Variants in PTDSS2 observed in about 807,000 individuals in gnomAD.
The protein encoded by PTDSS2 is phosphatidylserine synthase 2, also known as PSS-2.
Under a neutral mutation model 64.7 loss-of-function variants are expected in PTDSS2, and 41 were observed. The ratio of observed to expected loss-of-function variants is 0.63; its 90% CI spans 0.49 to 0.82. The LOEUF is 0.82. Among genes scored for constraint, PTDSS2 ranks in the 40% least tolerant of loss-of-function variants. The probability of loss-of-function intolerance (pLI) is 0.00; values close to 1 mark genes in which losing one functional copy is unlikely to be tolerated. For missense variants in PTDSS2, 485 were observed against 650.0 expected (o/e 0.75, Z 2.76); for synonymous variants, 297 against 277.8 (o/e 1.07, Z -0.69).
chr11:468,998 A>G (rs1175517140), intron 2 of PTDSS2, among the ~76,000 whole-genome samples: 59 of 81,510 alleles, frequency 7.2e-4, no homozygotes, highest in South Asian at 1.6e-3. Flanking sequence ...GGTAATCGGA[A>G]GGAGGAGGAG....
chr11:486,624 C>T (rs1428696320), intron 4 of PTDSS2, among the ~76,000 whole-genome samples: 3 of 151,992 alleles, frequency 2.0e-5, no homozygotes, highest in African/African-American at 7.3e-5. Flanking sequence ...GGGCGGATCA[C>T]GAGGTCAGGA....
Position 460,832 on chromosome 11 carries a change from A to C in PTDSS2, c.284+544A>C, listed in dbSNP as rs1846845541. ...CCTGAATTCCATGGATTCTGACGCC[A>C]GTCTCAGAAGTGCGTGTGGAAGAGA... On this transcript the variant is annotated intron_variant, in intron 2 of 11. Coordinates refer to ENST00000308020, the MANE Select transcript of PTDSS2 (RefSeq NM_030783.3). The surrounding 1 kb of genome is among the most constrained non-coding windows in gnomAD (Gnocchi z 5.8). The C allele has an allele frequency of 6.5e-6, 1 of 153,270 alleles. No homozygotes were observed. Among genetic ancestry groups the C allele is most frequent in the Non-Finnish European group, 1.5e-5 (1 of 68,758 alleles). The allele number at this position is 153,270 out of a possible 1,614,324, so 9.5% of individuals were successfully genotyped here.
chr11:451,620 TC>T (rs1317079786), intron 1 of PTDSS2: 6 of 239,168 alleles, frequency 2.5e-5, no homozygotes, highest in African/African-American at 6.9e-5. Flanking sequence ...TATGGACGCT[TC>T]CAAGAGAACC....
chr11:490,832 C>A lies in PTDSS2; in HGVS notation c.*250C>A. 2.3e-6 allele frequency: 1 copy of A among 436,464 alleles called. No individual in the cohort carries two copies. Among genetic ancestry groups the A allele is most frequent in the South Asian group, 2.7e-5 (1 of 36,900 alleles). The allele number at this position is 436,464 out of a possible 1,614,324, so 27.0% of individuals were successfully genotyped here. A position where few individuals can be genotyped will look rare whatever the true frequency, so the allele number is the denominator to read the frequency against. On this transcript the variant is annotated 3_prime_UTR_variant, in exon 12 of 12. Coordinates refer to ENST00000308020, the MANE Select transcript of PTDSS2 (RefSeq NM_030783.3). The stretch of plus-strand genomic sequence containing the variant: ...TACGCGCGTGTGTACACATGCGTGG[C>A]CGCCTGTGGTGTGCACGTGTGCTCT...
chr11:474,040 T>C, intron 3 of PTDSS2, 63 bp downstream of exon 3: 2 of 1,330,270 alleles, frequency 1.5e-6, no homozygotes, highest in Admixed American at 3.4e-5. Context: ...GGCCACTCTG[T>C]GTCTGTGCTG....
upstream of PTDSS2, chr11:450,134 C>G: frequency 3.8e-6 from 1 of 261,668 alleles, no homozygotes; most frequent in Non-Finnish European, 7.2e-6. Flanking sequence ...GCGCCATCCG[C>G]AGCTTGGTTC....
At chr11:483,963 A>G (rs950259142) in intron 4 of PTDSS2, among the ~76,000 whole-genome samples, 1 of 152,162 alleles carries the variant, frequency 6.6e-6, no homozygotes, top group African/African-American at 2.4e-5. Context: ...ATTCTCCACA[A>G]GGAGGTCACT....
In PTDSS2 at chr11:470,433, G is replaced by T. The variant is rs1302375002; in HGVS notation, c.285-3462G>T. On this transcript the variant is annotated intron_variant, in intron 2 of 11. Coordinates refer to ENST00000308020, the MANE Select transcript of PTDSS2 (RefSeq NM_030783.3). This position sits in a 1 kb window ranked among gnomAD's most constrained non-coding sequence, Gnocchi z 5.3. Reference sequence around the variant, plus strand: ...TCTGAGAAACCGTCCCAGCCTCGGGGAGCCTGAAGAGACAGAACGAGTAGA... The same window carrying T: ...TCTGAGAAACCGTCCCAGCCTCGGGTAGCCTGAAGAGACAGAACGAGTAGA... Among the ~76,000 whole-genome samples the T allele has an allele frequency of 2.6e-5, 4 of 152,166 alleles. No homozygotes were observed. The highest frequency in any genetic ancestry group is 5.9e-5 in the Non-Finnish European group (4 of 68,022).
chr11:451,278 CCA>C, intron 1 of PTDSS2: 1 of 394,698 alleles, frequency 2.5e-6, no homozygotes, highest in South Asian at 1.7e-5. Flanking sequence ...CCCCTGTCCG[CCA>C]CTCTGCCTTT....
In PTDSS2 at chr11:460,340, T is replaced by G. The variant is rs551113630; in HGVS notation, c.284+52T>G. On this transcript the variant is annotated intron_variant, in intron 2 of 11. Transcript: ENST00000308020. The surrounding 1 kb of genome is among the most constrained non-coding windows in gnomAD (Gnocchi z 5.8). Reference sequence around the variant, plus strand: ...TGAAACTGCCCTGTGCCCCGTGTGGTGGGTGTGGCACCCTTACTGCTCGGG... The same window carrying G: ...TGAAACTGCCCTGTGCCCCGTGTGGGGGGTGTGGCACCCTTACTGCTCGGG... The G allele has an allele frequency of 6.7e-7, 1 of 1,487,588 alleles. No individual in the cohort carries two copies. The highest frequency in any genetic ancestry group is 1.4e-5 in the African/African-American group (1 of 72,174). The allele number at this position is 1,487,588 out of a possible 1,614,324, so 92.1% of individuals were successfully genotyped here. A position where few individuals can be genotyped will look rare whatever the true frequency, so the allele number is the denominator to read the frequency against.
At chr11:468,708 G>A (rs569657733) in intron 2 of PTDSS2, among the ~76,000 whole-genome samples, 2 of 152,296 alleles carry the variant, frequency 1.3e-5, no homozygotes, top group African/African-American at 4.8e-5. Flanking sequence ...GCTGTGGGAG[G>A]GGAGTCTCTG....
chr11:454,013 G>A (rs755167416), intron 1 of PTDSS2, among the ~76,000 whole-genome samples: 1 of 152,234 alleles, frequency 6.6e-6, no homozygotes, highest in Admixed American at 6.5e-5. Context: ...AACAGACCTG[G>A]CGTCCTGGGA....
upstream of PTDSS2, among the ~76,000 whole-genome samples, chr11:450,083 T>C (rs1846244924): frequency 1.3e-5 from 2 of 152,072 alleles, no homozygotes; most frequent in Non-Finnish European, 1.5e-5. Flanking sequence ...GCCGGGGATG[T>C]CTGTGGTTAC....
In PTDSS2 at chr11:452,181, C is replaced by T. The variant is rs368895368; in HGVS notation, c.182+1544C>T. 6.6e-5 allele frequency among the ~76,000 whole-genome samples: 10 copies of T among 152,166 alleles called. No individual in the cohort carries two copies. In the East Asian group the frequency reaches 7.7e-4, roughly 12 times the overall value. ...GACGGGCTCCTCTGAGGTCCCGGAG[C>T]GAGGAGACCAGACTGGCTCTTCTTG... is the stretch of plus-strand genomic sequence containing the variant. On this transcript the variant is annotated intron_variant, in intron 1 of 11. Coordinates refer to ENST00000308020, the MANE Select transcript of PTDSS2 (RefSeq NM_030783.3).
rs561678889 is a variant in PTDSS2 at position 453,803 on chromosome 11, TGA to T, written c.182+3170_182+3171del. Among the ~76,000 whole-genome samples, 544 of 152,350 alleles carry T rather than the reference TGA, an allele frequency of 3.6e-3. 1 individual carries two copies. Among genetic ancestry groups the T allele is most frequent in the Non-Finnish European group, 5.9e-3 (398 of 68,032 alleles). On this transcript the variant is annotated intron_variant, in intron 1 of 11. Coordinates refer to ENST00000308020, the MANE Select transcript of PTDSS2 (RefSeq NM_030783.3). ...TTGGTCTCGGCCTCCCTGCCCACCATGAGAGTGGACATGAGAGTGACCATCTC... is the reference window on the plus strand; with the variant it reads ...TTGGTCTCGGCCTCCCTGCCCACCATGAGTGGACATGAGAGTGACCATCTC...
chr11:482,511 G>A (rs190700739), intron 4 of PTDSS2, among the ~76,000 whole-genome samples: 10 of 151,836 alleles, frequency 6.6e-5, no homozygotes, highest in Non-Finnish European at 1.0e-4. Flanking sequence ...ATGAGGTTTC[G>A]CCATGTTGGC....
rs758256454 is a variant in PTDSS2, at chr11:460,314, C to G, written c.284+26C>G. Reference sequence around the variant, plus strand: ...GTAAGCTGCCCTCTTGTCCTGCCTTCTGAAACTGCCCTGTGCCCCGTGTGG... The same window carrying G: ...GTAAGCTGCCCTCTTGTCCTGCCTTGTGAAACTGCCCTGTGCCCCGTGTGG... On this transcript the variant is annotated intron_variant, in intron 2 of 11. Transcript: ENST00000308020. This position sits in a 1 kb window ranked among gnomAD's most constrained non-coding sequence, Gnocchi z 5.8. 7.6e-6 allele frequency: 12 copies of G among 1,583,728 alleles called. No individual in the cohort carries two copies. Among genetic ancestry groups the G allele is most frequent in the Non-Finnish European group, 1.0e-5 (12 of 1,153,280 alleles).
rs1452015455 is a variant in PTDSS2 at position 476,578 on chromosome 11, G to C, written c.368-2507G>C. Among the ~76,000 whole-genome samples, 1 of 152,156 alleles carries C rather than the reference G, an allele frequency of 6.6e-6. No homozygotes were observed. The highest frequency in any genetic ancestry group is 1.5e-5 in the Non-Finnish European group (1 of 68,028). ...GGGACAGACTGGTCAGCAGGCAGCA[G>C]CTTGTCCTGGCATGTGACCCCTGGC... On this transcript the variant is annotated intron_variant, in intron 3 of 11. Transcript: ENST00000308020. This position sits in a 1 kb window ranked among gnomAD's most constrained non-coding sequence, Gnocchi z 4.9.
At chr11:448,970 A>G (rs2133738933), upstream of PTDSS2, among the ~76,000 whole-genome samples, 1 of 151,942 alleles carries the variant, frequency 6.6e-6, no homozygotes, top group South Asian at 2.1e-4. Context: ...GTGAAAACTC[A>G]TCTAATTTCT....
Sources: gnomAD v4.1 joint callset for allele counts (sites outside exome capture counted in the v4.1 genomes callset) on GRCh38, gnomAD v4.1.1 for gene constraint, Gnocchi (gnomAD v3.1) non-coding constraint, MANE v1.5 for transcripts, NCBI Gene and HGNC (gene_info 2026-07-23, HGNC 2026-07-21) for gene names.